The following PCDHGB2 variants were observed in gnomAD, a reference collection of about 807,000 sequenced individuals.
The protein encoded by PCDHGB2 is protocadherin gamma-B2.
A neutral mutation model predicts 59.3 loss-of-function variants in PCDHGB2; 55 were observed. That is an observed-to-expected ratio of 0.93 (90% CI 0.75 to 1.16). The LOEUF (loss-of-function observed/expected upper bound fraction) is 1.16, where lower values mean the gene tolerates loss of function less well. PCDHGB2 is among the 50% of genes most tolerant of loss of function. The pLI is 0.00. For synonymous variants in PCDHGB2, 516 were observed against 512.0 expected (o/e 1.01, Z -0.11); for missense variants, 1,228 against 1,198.5 (o/e 1.02, Z -0.36).
intron 1 of PCDHGB2, among the ~76,000 whole-genome samples, chr5:141,458,871 T>C (rs2098955493): frequency 6.6e-6 from 1 of 152,210 alleles, no homozygotes; most frequent in African/African-American, 2.4e-5. Flanking sequence ...TAGCTGGGAC[T>C]ACAGGCATGC....
chr5:141,379,834 GA>G (rs199662644), intron 1 of PCDHGB2, among the ~76,000 whole-genome samples: 1 of 141,412 alleles, frequency 7.1e-6, no homozygotes, highest in Non-Finnish European at 1.5e-5. Context: ...GAAGCATCAG[GA>G]AAAAAAACTA....
chr5:141,497,736 G>A (rs1437670417), intron 2 of PCDHGB2, among the ~76,000 whole-genome samples: 6 of 151,962 alleles, frequency 3.9e-5, no homozygotes, highest in Admixed American at 1.3e-4. Flanking sequence ...GATGGGTTTC[G>A]CCACGTTGGC....
chr5:141,478,920 C>T lies in PCDHGB2; in HGVS notation c.2422-15887C>T, dbSNP rs559060283. On this transcript the variant is annotated intron_variant, in intron 1 of 3. Transcript: ENST00000522605. Reference sequence around the variant, plus strand: ...GGAATAAGCTGCTGGATACCTCTAACCAGTGGCAGCTTCTAGGAATACAAA... The same window carrying T: ...GGAATAAGCTGCTGGATACCTCTAATCAGTGGCAGCTTCTAGGAATACAAA... 608 of 728,392 alleles carry T rather than the reference C, an allele frequency of 8.3e-4. 2 individuals are homozygous for T. The highest frequency in any genetic ancestry group is 1.2e-3 in the South Asian group (55 of 44,196). 45.1% of individuals were successfully genotyped at this position (728,392 alleles called of 1,614,324 possible).
At position 141,512,280 on chromosome 5, in the gene PCDHGB2, TGGAAGGGTCAGC is replaced by T. The variant is rs1187119941; in HGVS notation, c.*1111_*1122del. The T allele has an allele frequency of 1.3e-5, 2 of 152,682 alleles. No individual in the cohort carries two copies. Among genetic ancestry groups the T allele is most frequent in the African/African-American group, 2.4e-5 (1 of 41,396 alleles). 9.5% of individuals were successfully genotyped at this position (152,682 alleles called of 1,614,324 possible). ...CTGGGTACTCCAGAGGTGCCACTGGTGGAAGGGTCAGCGGAGCCCCAGCAGGAAGGGTGGGCC... is the reference window on the plus strand; with the variant it reads ...CTGGGTACTCCAGAGGTGCCACTGGTGGAGCCCCAGCAGGAAGGGTGGGCC... On this transcript the variant is annotated 3_prime_UTR_variant, in exon 4 of 4. Transcript: ENST00000522605.
intron 1 of PCDHGB2, chr5:141,399,529 G>C: frequency 6.2e-7 from 1 of 1,614,010 alleles, no homozygotes; most frequent in African/African-American, 1.3e-5. Context: ...GGCCTCCATC[G>C]CGCAAGTCTG....
intron 1 of PCDHGB2, chr5:141,370,991 C>T (rs753428613): frequency 4.3e-6 from 7 of 1,613,954 alleles, no homozygotes; most frequent in Non-Finnish European, 5.9e-6. Flanking sequence ...TGAAAGCACC[C>T]CTGGACAGGG....
chr5:141,385,709 A>C, intron 1 of PCDHGB2: 1 of 259,262 alleles, frequency 3.9e-6, no homozygotes, highest in Non-Finnish European at 6.2e-6. Context: ...TAGCATTCAA[A>C]TATGTAAAAG....
At chr5:141,408,423 A>G (rs2095103444) in intron 1 of PCDHGB2, 1 of 1,614,078 alleles carries the variant, frequency 6.2e-7, no homozygotes. Flanking sequence ...GAGAAGCTGC[A>G]CTTCAGCGTA....
At chr5:141,414,964 G>C (rs1245472476) in intron 1 of PCDHGB2, 11 of 1,613,874 alleles carry the variant, frequency 6.8e-6, no homozygotes, top group Non-Finnish European at 9.3e-6. Context: ...CAAGGTGGTG[G>C]CGGTGGACAG....
chr5:141,389,265 G>C (rs1452714844), intron 1 of PCDHGB2: 1 of 1,614,004 alleles, frequency 6.2e-7, no homozygotes, highest in East Asian at 2.2e-5. Flanking sequence ...CCACGTGGCC[G>C]AGAACAACCC....
chr5:141,424,100 G>A (rs1362239131), intron 1 of PCDHGB2: 1 of 832,456 alleles, frequency 1.2e-6, no homozygotes, highest in East Asian at 1.2e-4. Flanking sequence ...TGCTATTACT[G>A]CTAATGTTCA....
At chr5:141,389,283 G>C in intron 1 of PCDHGB2, 1 of 1,614,022 alleles carries the variant, frequency 6.2e-7, no homozygotes. Flanking sequence ...CCCGCCTGGA[G>C]CCTCTATTTC....
At position 141,490,807 on chromosome 5, in the gene PCDHGB2, G is replaced by T. The variant is rs1315856354; in HGVS notation, c.2422-4000G>T. Reference sequence around the variant, plus strand: ...ACGGATCTTTGCCCAGCGTACCTTTGACTATGAATTGCTGCAGATGCTGCA... The same window carrying T: ...ACGGATCTTTGCCCAGCGTACCTTTTACTATGAATTGCTGCAGATGCTGCA... On this transcript the variant is annotated intron_variant, in intron 1 of 3. Transcript: ENST00000522605. This position sits in a 1 kb window ranked among gnomAD's most constrained non-coding sequence, Gnocchi z 5.4. 6.2e-7 allele frequency: 1 copy of T among 1,613,924 alleles called. No individual in the cohort carries two copies. The highest frequency in any genetic ancestry group is 8.5e-7 in the Non-Finnish European group (1 of 1,179,870).
chr5:141,370,282 G>A, intron 1 of PCDHGB2: 2 of 938,864 alleles, frequency 2.1e-6, no homozygotes, highest in South Asian at 3.9e-5. Context: ...ACACCCATTA[G>A]AGAACCCAAG....
chr5:141,393,984 C>G (rs1176875822), intron 1 of PCDHGB2: 1 of 1,613,570 alleles, frequency 6.2e-7, no homozygotes, highest in South Asian at 1.1e-5. Flanking sequence ...TGATAATTTA[C>G]CTTTTAAATT....
Position 141,438,625 on chromosome 5 carries a change from TATATATATATACAC to T in PCDHGB2, c.2422-56180_2422-56167del, listed in dbSNP as rs1291649000. Among the ~76,000 whole-genome samples, 88 of 46,398 alleles carry T rather than the reference TATATATATATACAC, an allele frequency of 1.9e-3. 1 individual carries two copies. The highest frequency in any genetic ancestry group is 8.6e-3 in the African/African-American group (72 of 8,380). 30.4% of individuals were successfully genotyped at this position (46,398 alleles called of 152,430 possible). A position where few individuals can be genotyped will look rare whatever the true frequency, so the allele number is the denominator to read the frequency against. ...ATATATATATATATATATATATATATATATATATATACACACACACACACACATATATGTATATA... is the reference window on the plus strand; with the variant it reads ...ATATATATATATATATATATATATATACACACACACACATATATGTATATA... On this transcript the variant is annotated intron_variant, in intron 1 of 3. Transcript: ENST00000522605.
chr5:141,509,046 C>T (rs1442220429), intron 3 of PCDHGB2, among the ~76,000 whole-genome samples: 1 of 152,160 alleles, frequency 6.6e-6, no homozygotes, highest in Non-Finnish European at 1.5e-5. Flanking sequence ...CTCTCCCCCG[C>T]CCCCAGAAAG....
At chr5:141,382,993 C>G (rs762865747) in intron 1 of PCDHGB2, 2 of 1,613,542 alleles carry the variant, frequency 1.2e-6, no homozygotes, top group East Asian at 2.2e-5. Context: ...AGGACGTATT[C>G]TCTACTCCGT....
At chr5:141,505,567 T>A in intron 3 of PCDHGB2, 86 bp downstream of exon 3, 2 of 1,599,440 alleles carry the variant, frequency 1.3e-6, no homozygotes, top group Non-Finnish European at 1.7e-6. Context: ...ACGGACTGGA[T>A]GTCAAACCTG....
Sources: allele counts gnomAD v4.1 joint callset (sites outside exome capture counted in the v4.1 genomes callset), GRCh38; gene constraint gnomAD v4.1.1; non-coding constraint Gnocchi (gnomAD v3.1); transcripts MANE v1.5; gene names NCBI Gene and HGNC (gene_info 2026-07-23, HGNC 2026-07-21).